Variants in CUBN observed in about 807,000 individuals in gnomAD.
The protein encoded by CUBN is cubilin, also known as 460 kDa receptor.
A neutral mutation model predicts 405.3 loss-of-function variants in CUBN; 282 were observed. The observed-to-expected ratio is 0.70, with a 90% CI of 0.63 to 0.77. The LOEUF is 0.77. Among genes scored for constraint, CUBN ranks in the 30% least tolerant of loss-of-function variants. The pLI is 0.00. For missense variants in CUBN, 4,514 were observed against 4,475.2 expected, an observed-to-expected ratio of 1.01 and a Z score of -0.25; for synonymous variants, 1,684 against 1,617.0, an observed-to-expected ratio of 1.04 and a Z score of -0.99.
intron 22 of CUBN, among the ~76,000 whole-genome samples, chr10:17,063,386 A>G (rs986489297): frequency 6.6e-6 from 1 of 152,332 alleles, no homozygotes; most frequent in African/African-American, 2.4e-5. Flanking sequence ...AGCCTTATGC[A>G]GACCAAATAG....
chr10:17,016,367 T>C (rs556281028), intron 28 of CUBN, among the ~76,000 whole-genome samples: 2 of 152,260 alleles, frequency 1.3e-5, no homozygotes, highest in African/African-American at 4.8e-5. Flanking sequence ...AGTAGAGAAT[T>C]TGTCCCTTTC....
intron 31 of CUBN, among the ~76,000 whole-genome samples, chr10:16,955,389 A>G (rs60262010): frequency 7.3e-6 from 1 of 137,322 alleles, no homozygotes; most frequent in African/African-American, 3.6e-5. Flanking sequence ...AAAAAAAAAA[A>G]AAAAAAAAAA....
At position 17,119,388 on chromosome 10, in the gene CUBN, G is replaced by C. The variant is rs981394686; in HGVS notation, c.593+3407C>G. Among the ~76,000 whole-genome samples, 2 of 152,218 alleles carry C rather than the reference G, an allele frequency of 1.3e-5. 1 individual carries two copies. The highest frequency in any genetic ancestry group is 4.8e-5 in the African/African-American group (2 of 41,456). ...AAAGTAAGCAGGGGAGGCTGGGCAC[G>C]GTGGCTCACGCCTGTAATCCCAGCA... On this transcript the variant is annotated intron_variant, in intron 6 of 66. Transcript: ENST00000377833.
At position 17,122,768 on chromosome 10, in the gene CUBN, T is replaced by C. The variant is rs1394400061; in HGVS notation, c.593+27A>G. 3.6e-6 allele frequency: 5 copies of C among 1,395,416 alleles called. No individual in the cohort carries two copies. The Admixed American group carries it at 5.1e-5, about 14-fold the overall frequency. 86.4% of individuals were successfully genotyped at this position (1,395,416 alleles called of 1,614,324 possible). A position where few individuals can be genotyped will look rare whatever the true frequency, so the allele number is the denominator to read the frequency against. On this transcript the variant is annotated intron_variant, in intron 6 of 66. Coordinates refer to ENST00000377833, the MANE Select transcript of CUBN (RefSeq NM_001081.4). ...TTAGGCCTTCAAAAATATACTGATA[T>C]TTACCAAAAAAAAAAAAAAAAGTTA...
chr10:17,022,506 G>C (rs1834525597), intron 27 of CUBN, among the ~76,000 whole-genome samples: 1 of 152,092 alleles, frequency 6.6e-6, no homozygotes, highest in Non-Finnish European at 1.5e-5. Context: ...GAATAGGGGA[G>C]AATAAGAGAA....
intron 23 of CUBN, among the ~76,000 whole-genome samples, chr10:17,046,529 C>G (rs1336185444): frequency 1.3e-5 from 2 of 152,088 alleles, no homozygotes; most frequent in East Asian, 3.8e-4. Flanking sequence ...ATTTGATATA[C>G]TTAGCAAAAT....
intron 66 of CUBN, among the ~76,000 whole-genome samples, 189 bp from the exon 67 acceptor site, chr10:16,825,271 G>T (rs190256205): frequency 1.2e-4 from 18 of 152,088 alleles, no homozygotes; most frequent in African/African-American, 3.9e-4. Flanking sequence ...ATTTCTGGGC[G>T]TGGGGAGTTG....
chr10:16,876,893 T>G lies in CUBN; in HGVS notation c.9106+4A>C, dbSNP rs756834810. ...TTCCAAACTCTGTCATTATGGCTAC[T>G]CACAGATTATCCTATAGGAAAACTT... On this transcript the variant is annotated splice_donor_region_variant and intron_variant, in intron 57 of 66. Transcript: ENST00000377833. 1 of 1,612,948 alleles carries G rather than the reference T, an allele frequency of 6.2e-7. No homozygotes were observed. The highest frequency in any genetic ancestry group is 1.7e-5 in the Admixed American group (1 of 60,006).
At position 16,913,846 on chromosome 10, in the gene CUBN, C is replaced by G; in HGVS notation, c.7498G>C (p.Ala2500Pro). Residue 2500 changes from alanine (A) to proline (P), a missense_variant, in exon 48 of 67, where the codon GCC (alanine) becomes CCC (proline). Physicochemically the swap from Ala to Pro is conservative, Grantham distance 27. This residue lies in a region of CUBN where 1,613 missense variants were observed against 1,542.8 expected (regional missense o/e 1.05). Coordinates refer to ENST00000377833, the MANE Select transcript of CUBN (RefSeq NM_001081.4). The part of the protein sequence containing the change: ...ITLMFNNLRL[A>P]THPSCNNEHV... ...TCATTGTTGCAGGACGGATGCGTGG[C>G]CAGCCTCAGGTTGTTAAACATTAGG... The G allele has an allele frequency of 1.2e-6, 2 of 1,613,972 alleles. No homozygotes were observed. Among genetic ancestry groups the G allele is most frequent in the Non-Finnish European group, 1.7e-6 (2 of 1,180,018 alleles).
chr10:17,086,894 G>A (rs544057527), intron 15 of CUBN, among the ~76,000 whole-genome samples: 2 of 152,246 alleles, frequency 1.3e-5, no homozygotes, highest in South Asian at 2.1e-4. Context: ...AAATGAATGT[G>A]TAGGAATTTT....
chr10:16,892,416 A>C (rs1399833719), intron 54 of CUBN, among the ~76,000 whole-genome samples: 1 of 152,196 alleles, frequency 6.6e-6, no homozygotes, highest in Non-Finnish European at 1.5e-5. Flanking sequence ...CCAAGGAAAC[A>C]GTATATGGCA....
intron 31 of CUBN, chr10:16,965,819 C>CT (rs57634749): frequency 0.35 from 123,865 of 355,948 alleles, 22,022 homozygotes; most frequent in Middle Eastern, 0.5. Flanking sequence ...CTGATAGGTA[C>CT]TTAAATACAT....
At chr10:17,043,769 T>G in intron 26 of CUBN, 58 bp downstream of exon 26, 4 of 1,601,014 alleles carry the variant, frequency 2.5e-6, no homozygotes, top group South Asian at 2.2e-5. Context: ...CTTACTCTGC[T>G]GGTATTCACA....
Position 16,980,847 on chromosome 10 carries a change from A to C in CUBN, c.4695+1637T>G. On this transcript the variant is annotated intron_variant, in intron 31 of 66. Coordinates refer to ENST00000377833, the MANE Select transcript of CUBN (RefSeq NM_001081.4). ...CCAGAACTTAAAGTATAATAATAAT[A>C]ACAATAATAAAAGAAAATTAGGTAG... 1.3e-5 allele frequency among the ~76,000 whole-genome samples: 2 copies of C among 151,560 alleles called. 1 individual carries two copies. Among genetic ancestry groups the C allele is most frequent in the South Asian group, 4.2e-4 (2 of 4,766 alleles).
intron 31 of CUBN, among the ~76,000 whole-genome samples, chr10:16,966,737 C>T (rs1843402398): frequency 1.3e-5 from 2 of 152,204 alleles, no homozygotes; most frequent in South Asian, 4.1e-4. Context: ...GCATGAGCCA[C>T]TGTGCCAGTC....
At chr10:17,018,372 G>A (rs1019684437) in intron 28 of CUBN, among the ~76,000 whole-genome samples, 7 of 152,252 alleles carry the variant, frequency 4.6e-5, no homozygotes, top group East Asian at 1.9e-4. Context: ...GCGGACCCTC[G>A]TGGTGAGTGT....
intron 33 of CUBN, among the ~76,000 whole-genome samples, chr10:16,951,757 T>C (rs1457291924): frequency 3.9e-5 from 6 of 152,232 alleles, no homozygotes; most frequent in African/African-American, 7.2e-5. Context: ...GAATAGTACC[T>C]TGCAGGAGAG....
chr10:17,102,268 T>TTTA (rs1440131550), intron 13 of CUBN, among the ~76,000 whole-genome samples: 1 of 147,154 alleles, frequency 6.8e-6, no homozygotes, highest in African/African-American at 2.6e-5. Context: ...TATTTATTTA[T>TTTA]TTATTTATTT....
At chr10:16,932,442 T>A (rs928371858) in intron 40 of CUBN, among the ~76,000 whole-genome samples, 2 of 152,150 alleles carry the variant, frequency 1.3e-5, no homozygotes, top group African/African-American at 4.8e-5. Flanking sequence ...AAGGCATACA[T>A]CAGCAATATT....
Sources: allele counts gnomAD v4.1 joint callset (sites outside exome capture counted in the v4.1 genomes callset), GRCh38; gene constraint gnomAD v4.1.1; regional missense constraint gnomAD v4.1.1; transcripts MANE v1.5; gene names NCBI Gene and HGNC (gene_info 2026-07-23, HGNC 2026-07-21).